CBARP: variants seen among roughly 807,000 people sequenced by gnomAD.
CBARP encodes voltage-dependent calcium channel beta subunit-associated regulatory protein.
CBARP carries 24 observed loss-of-function variants against 36.3 expected under a neutral mutation model. That is an observed-to-expected ratio of 0.66 (90% CI 0.48 to 0.93). The LOEUF is 0.93. CBARP is among the 40% of genes least tolerant of loss of function. The pLI is 0.00. For missense variants in CBARP, 1,146 were observed against 980.4 expected (o/e 1.17, Z -2.26); for synonymous variants, 586 against 453.2 (o/e 1.29, Z -3.72).
At chr19:1,235,207 G>GGGT in intron 4 of CBARP, 62 bp from the exon 5 acceptor site, 1 of 1,416,524 alleles carries the variant, frequency 7.1e-7, no homozygotes, top group African/African-American at 1.5e-5. Context: ...CTGGTCCCGG[G>GGGT]AGGGCTGCTC....
chr19:1,234,136 G>A (rs1412035866), intron 7 of CBARP, 55 bp downstream of exon 7: 4 of 1,436,724 alleles, frequency 2.8e-6, no homozygotes, highest in Admixed American at 3.1e-5. Context: ...GGGACAGGGA[G>A]GGGAAGGAGC....
At position 1,229,278 on chromosome 19, in the gene CBARP, G is replaced by T; in HGVS notation, c.2019C>A (p.Leu673=). Residue 673 remains leucine, a synonymous_variant, in exon 10 of 10, where the codon CTC becomes CTA. Transcript: ENST00000650044. This position sits in a 1 kb window ranked among gnomAD's most constrained non-coding sequence, Gnocchi z 5.1. ...GSVLDKLAAG[L]DERLFPPRLA... is the part of the protein sequence containing the mutation. ...GGCGCGGCGGAAAGAGTCTCTCGTC[G>T]AGGCCAGCCGCCAGCTTGTCCAGCA... 1 of 1,255,856 alleles carries T rather than the reference G, an allele frequency of 8.0e-7. No individual in the cohort carries two copies. The highest frequency in any genetic ancestry group is 7.7e-5 in the East Asian group (1 of 13,026). The allele number at this position is 1,255,856 out of a possible 1,614,324, so 77.8% of individuals were successfully genotyped here.
In CBARP at chr19:1,230,037, G is replaced by A; in HGVS notation, c.1260C>T (p.Asp420=). ...GCTCGGGGCCCGCGTCCCGCTCGGC[G>A]TCCGGCTCCAGTGGCGGCTGCTGCT... ...PEQQQPPLEP[D]AERDAGPEQA... The change falls in exon 10 of 10, where the codon GAC becomes GAT. Residue 420 remains aspartate, a synonymous_variant. Transcript: ENST00000650044. 1.6e-6 allele frequency: 2 copies of A among 1,222,508 alleles called. No homozygotes were observed. Among genetic ancestry groups the A allele is most frequent in the Non-Finnish European group, 1.0e-6 (1 of 959,848 alleles). 75.7% of individuals were successfully genotyped at this position (1,222,508 alleles called of 1,614,324 possible).
Position 1,228,670 on chromosome 19 carries a change from C to T in CBARP, c.*509G>A, listed in dbSNP as rs1359966417. 1 of 152,644 alleles carries T rather than the reference C, an allele frequency of 6.6e-6. No individual in the cohort carries two copies. The highest frequency in any genetic ancestry group is 2.4e-5 in the African/African-American group (1 of 41,254). The allele number at this position is 152,644 out of a possible 1,614,324, so 9.5% of individuals were successfully genotyped here. On this transcript the variant is annotated 3_prime_UTR_variant, in exon 10 of 10. Coordinates refer to ENST00000650044, the MANE Select transcript of CBARP (RefSeq NM_001393918.1). ...GAGGTCGGCAGTCACGGTGTTGAGC[C>T]GCCTCCCGGCCCAGGGCGGCGAACT... is the stretch of plus-strand genomic sequence containing the variant.
chr19:1,231,331 AC>A, intron 8 of CBARP, 56 bp from the exon 9 acceptor site: 2 of 1,556,942 alleles, frequency 1.3e-6, no homozygotes, highest in Non-Finnish European at 1.7e-6. Flanking sequence ...CCCGCTCCAC[AC>A]ACACACAGAA....
chr19:1,232,776 G>T (rs911511809), intron 8 of CBARP, among the ~76,000 whole-genome samples: 1 of 152,210 alleles, frequency 6.6e-6, no homozygotes. Flanking sequence ...GTCATGCAGC[G>T]CCTCTGACTG....
rs1266889067 is a variant in CBARP, at chr19:1,229,474, G to A, written c.1823C>T (p.Ala608Val). The A allele has an allele frequency of 9.2e-6, 9 of 979,060 alleles. No homozygotes were observed. In the East Asian group the frequency reaches 9.2e-4, roughly 100 times the overall value. 60.6% of individuals were successfully genotyped at this position (979,060 alleles called of 1,614,324 possible). A position where few individuals can be genotyped will look rare whatever the true frequency, so the allele number is the denominator to read the frequency against. Residue 608 changes from alanine to valine, a missense_variant, in exon 10 of 10, where the codon GCG becomes GTG. Physicochemically the swap from Ala to Val is moderately conservative, Grantham distance 64 (BLOSUM62 0). Transcript: ENST00000650044. The surrounding 1 kb of genome is among the most constrained non-coding windows in gnomAD (Gnocchi z 5.1). Reference protein sequence around the residue: ...LAGTPAPPAGAARPARAPLRR... With the variant: ...LAGTPAPPAGVARPARAPLRR... ...CAAGGGCGCACGCGCGGGTCGGGCC[G>A]CGCCGGCAGGCGGTGCCGGGGTTCC...
chr19:1,235,110 C>T lies in CBARP; in HGVS notation c.346G>A (p.Asp116Asn). The T allele has an allele frequency of 1.9e-6, 3 of 1,603,162 alleles. No individual in the cohort carries two copies. The highest frequency in any genetic ancestry group is 2.6e-6 in the Non-Finnish European group (3 of 1,175,516). The change falls in exon 5 of 10, where the codon GAT becomes AAT. Residue 116 changes from aspartate to asparagine, a missense_variant. Physicochemically the swap from Asp to Asn is conservative, Grantham distance 23. Transcript: ENST00000650044. ...GACAGGAAGCGTTCGGTCTCCGCAT[C>T]CTGGCACTCGGGGTCCTCTCCCCGG... ...DFRGEDPECQ[D>N]AETERFLSTS...
chr19:1,236,855 G>C (rs1416011158), intron 1 of CBARP, among the ~76,000 whole-genome samples: 3 of 146,414 alleles, frequency 2.0e-5, no homozygotes, highest in Non-Finnish European at 3.0e-5. Context: ...GCGGCCTGGG[G>C]GGGGGCGGCG....
intron 9 of CBARP, chr19:1,230,681 G>GCCC: frequency 7.8e-7 from 1 of 1,278,098 alleles, no homozygotes; most frequent in Non-Finnish European, 9.9e-7. Flanking sequence ...CTTCAGGGAA[G>GCCC]TTGCCCTTGG....
chr19:1,233,584 C>T lies in CBARP; in HGVS notation c.821G>A (p.Gly274Glu). 4.3e-6 allele frequency: 7 copies of T among 1,610,920 alleles called. No homozygotes were observed. Among genetic ancestry groups the T allele is most frequent in the East Asian group, 2.2e-5 (1 of 44,860 alleles). Residue 274 changes from glycine to glutamate, a missense_variant, in exon 8 of 10, where the codon GGG (glycine) becomes GAG (glutamate). Coordinates refer to ENST00000650044, the MANE Select transcript of CBARP (RefSeq NM_001393918.1). ...GGATCCCGGGCCCGCCTCCCCAGGCCCTGCTGCAGCCCCGGGCCCTCCAGC... is the reference window on the plus strand; with the variant it reads ...GGATCCCGGGCCCGCCTCCCCAGGCTCTGCTGCAGCCCCGGGCCCTCCAGC... ...TKAGGPGAAA[G>E]PGEAGPGSGA...
In CBARP at chr19:1,230,127, C is replaced by G. The variant is rs946620188; in HGVS notation, c.1170G>C (p.Glu390Asp). 2 of 1,043,030 alleles carry G rather than the reference C, an allele frequency of 1.9e-6. No homozygotes were observed. Among genetic ancestry groups the G allele is most frequent in the African/African-American group, 3.5e-5 (2 of 57,512 alleles). The allele number at this position is 1,043,030 out of a possible 1,614,324, so 64.6% of individuals were successfully genotyped here. A position where few individuals can be genotyped will look rare whatever the true frequency, so the allele number is the denominator to read the frequency against. The change falls in exon 10 of 10, where the codon GAG (glutamate) becomes GAC (aspartate). Residue 390 changes from glutamate to aspartate, a missense_variant. Coordinates refer to ENST00000650044, the MANE Select transcript of CBARP (RefSeq NM_001393918.1). Reference sequence around the variant, plus strand: ...AATCGGGGCTCGCTCCTCCCGCTGCCTCGGCCGCCTCTAGCCTGCAAGCCA... The same window carrying G: ...AATCGGGGCTCGCTCCTCCCGCTGCGTCGGCCGCCTCTAGCCTGCAAGCCA... The part of the protein sequence containing the change: ...PPALGRLEAA[E>D]AAGGASPDSP...
At position 1,235,783 on chromosome 19, in the gene CBARP, TGAG is replaced by T; in HGVS notation, c.238_240del (p.Leu80del). The T allele has an allele frequency of 1.2e-6, 2 of 1,607,468 alleles. No individual in the cohort carries two copies. The highest frequency in any genetic ancestry group is 8.5e-7 in the Non-Finnish European group (1 of 1,179,810). On this transcript the variant is annotated inframe_deletion, in exon 3 of 10. Transcript: ENST00000650044. ...GCCGAGGTGGGGGCCTCGCACCTGT[TGAG>T]GCGCTGGTGGACGTCCCAGCAGCGC...
chr19:1,235,311 C>T (rs1243817255), intron 4 of CBARP, 166 bp from the exon 5 acceptor site: 15 of 1,053,650 alleles, frequency 1.4e-5, no homozygotes, highest in Non-Finnish European at 1.8e-5. Context: ...CACACACTCA[C>T]TCGCTCAGCA....
In CBARP at chr19:1,234,595, G is replaced by A. The variant is rs767626371; in HGVS notation, c.603C>T (p.Pro201=). 4 of 1,607,298 alleles carry A rather than the reference G, an allele frequency of 2.5e-6. No individual in the cohort carries two copies. The highest frequency in any genetic ancestry group is 2.2e-5 in the South Asian group (2 of 89,484). The change falls in exon 6 of 10, where the codon CCC becomes CCT. Residue 201 remains proline (P), a synonymous_variant. Transcript: ENST00000650044. ...CCTGGAAGATGGCCAGAGTGGCCTT[G>A]GGAGAGGTGGCCGGGTGGGGCGTGG... ...SATTPHPATS[P]KATLAIFQPP...
At position 1,229,546 on chromosome 19, in the gene CBARP, C is replaced by A; in HGVS notation, c.1751G>T (p.Gly584Val). The change falls in exon 10 of 10, where the codon GGC (glycine) becomes GTC (valine). Residue 584 changes from glycine to valine, a missense_variant. Coordinates refer to ENST00000650044, the MANE Select transcript of CBARP (RefSeq NM_001393918.1). The surrounding 1 kb of genome is among the most constrained non-coding windows in gnomAD (Gnocchi z 5.1). ...HPHARKQWQR[G>V]RQHSDPGARA... ...GGCGCCGGGGTCGCTGTGCTGCCGG[C>A]CACGCTGCCACTGTTTGCGGGCGTG... The A allele has an allele frequency of 7.0e-6, 7 of 994,734 alleles. No homozygotes were observed. The highest frequency in any genetic ancestry group is 3.7e-5 in the South Asian group (1 of 27,334). The allele number at this position is 994,734 out of a possible 1,614,324, so 61.6% of individuals were successfully genotyped here.
At chr19:1,236,590 C>T (rs555391518) in intron 1 of CBARP, among the ~76,000 whole-genome samples, 6 of 151,932 alleles carry the variant, frequency 3.9e-5, no homozygotes, top group Non-Finnish European at 7.4e-5. Context: ...AGGGCCCACC[C>T]GGCCATGGTT....
intron 9 of CBARP, 178 bp from the exon 10 acceptor site, chr19:1,230,320 T>C: frequency 1.0e-6 from 1 of 988,626 alleles, no homozygotes; most frequent in Non-Finnish European, 1.2e-6. Flanking sequence ...CGTCTTGCAT[T>C]GACCCTGAGC....
intron 4 of CBARP, 81 bp from the exon 5 acceptor site, chr19:1,235,226 G>A (rs1376946784): frequency 2.0e-5 from 27 of 1,352,642 alleles, no homozygotes; most frequent in African/African-American, 4.7e-5. Flanking sequence ...TCCTCCGGGC[G>A]GCCACGGCAG....
Sources: gnomAD v4.1 joint callset for allele counts (sites outside exome capture counted in the v4.1 genomes callset) on GRCh38, gnomAD v4.1.1 for gene constraint, Gnocchi (gnomAD v3.1) non-coding constraint, MANE v1.5 for transcripts, NCBI Gene and HGNC (gene_info 2026-07-23, HGNC 2026-07-21) for gene names.